The following PDE11A variants were observed in gnomAD, a reference collection of about 807,000 sequenced individuals.
PDE11A encodes the protein dual 3',5'-cyclic-AMP and -GMP phosphodiesterase 11A.
In PDE11A, 100 loss-of-function variants were observed where a neutral mutation model predicts 100.5. The observed-to-expected ratio is 1.00, with a 90% CI of 0.85 to 1.18. PDE11A has a LOEUF of 1.18. Among genes scored for constraint, PDE11A ranks in the 50% most tolerant of loss-of-function variants. PDE11A has a pLI of 0.00. For missense variants in PDE11A, 1,141 were observed against 1,152.6 expected (o/e 0.99, Z 0.15); for synonymous variants, 381 against 420.8 (o/e 0.91, Z 1.16).
chr2:177,635,592 A>G (rs1423176889), intron 19 of PDE11A, among the ~76,000 whole-genome samples: 1 of 152,210 alleles, frequency 6.6e-6, no homozygotes, highest in Admixed American at 6.5e-5. Context: ...ACACATTCAC[A>G]TAGTTCCATG....
At chr2:177,788,921 C>T (rs2082584365) in intron 9 of PDE11A, among the ~76,000 whole-genome samples, 1 of 152,100 alleles carries the variant, frequency 6.6e-6, no homozygotes, top group East Asian at 1.9e-4. Flanking sequence ...AAAAAGAGTC[C>T]AGGACCAGAT....
chr2:177,793,431 G>A (rs2082659195), intron 9 of PDE11A, among the ~76,000 whole-genome samples: 2 of 151,386 alleles, frequency 1.3e-5, no homozygotes, highest in Admixed American at 6.6e-5. Context: ...GTTGTGTAGA[G>A]GGTGGACTGG....
intron 9 of PDE11A, among the ~76,000 whole-genome samples, chr2:177,793,083 G>C (rs1449661292): frequency 6.6e-6 from 1 of 152,034 alleles, no homozygotes; most frequent in Non-Finnish European, 1.5e-5. Context: ...AGAGGGAGCA[G>C]TCACCTTTGT....
intron 17 of PDE11A, 58 bp downstream of exon 17, chr2:177,675,397 T>TC (rs2080755091): frequency 3.4e-6 from 4 of 1,192,214 alleles, no homozygotes; most frequent in East Asian, 4.7e-5. Flanking sequence ...GAATATTGTG[T>TC]CCCCCTTACG....
At chr2:178,049,765 T>C (rs2086797759) in intron 1 of PDE11A, among the ~76,000 whole-genome samples, 1 of 152,070 alleles carries the variant, frequency 6.6e-6, no homozygotes, top group Admixed American at 6.5e-5. Context: ...ATCACAGCAG[T>C]CTGAGATCGA....
chr2:177,631,284 A>C (rs1430007252), intron 19 of PDE11A, among the ~76,000 whole-genome samples: 1 of 63,288 alleles, frequency 1.6e-5, no homozygotes, highest in Admixed American at 2.2e-4. Flanking sequence ...CATCTCTACT[A>C]AAAATGCAAA....
intron 12 of PDE11A, among the ~76,000 whole-genome samples, chr2:177,716,398 C>T (rs2105432758): frequency 6.6e-6 from 1 of 152,266 alleles, no homozygotes; most frequent in African/African-American, 2.4e-5. Context: ...CCTCCACACC[C>T]TCACCTCTGA....
At chr2:177,989,325 T>C (rs1020160029) in intron 2 of PDE11A, among the ~76,000 whole-genome samples, 1 of 152,210 alleles carries the variant, frequency 6.6e-6, no homozygotes. Context: ...CTAGTAGTCA[T>C]AGCACAGTAT....
intron 9 of PDE11A, among the ~76,000 whole-genome samples, chr2:177,790,591 A>C (rs1486237433): frequency 1.3e-5 from 2 of 152,252 alleles, no homozygotes; most frequent in Non-Finnish European, 2.9e-5. Flanking sequence ...CTACTATCAG[A>C]ATGAACAGGC....
chr2:177,670,322 T>C (rs920317276), intron 17 of PDE11A, among the ~76,000 whole-genome samples: 2 of 152,224 alleles, frequency 1.3e-5, no homozygotes, highest in Non-Finnish European at 2.9e-5. Flanking sequence ...TATATTTTTC[T>C]ACTTTTAATC....
intron 9 of PDE11A, among the ~76,000 whole-genome samples, chr2:177,782,423 T>C (rs866823304): frequency 5.3e-5 from 8 of 152,244 alleles, no homozygotes; most frequent in African/African-American, 1.7e-4. Flanking sequence ...TGCCACCCTA[T>C]GCCATCCAAA....
chr2:177,998,252 C>T (rs2086101742), intron 2 of PDE11A: 1 of 830,116 alleles, frequency 1.2e-6, no homozygotes, highest in Non-Finnish European at 2.1e-6. Context: ...TTAGTATAAG[C>T]TCTTCCACTT....
intron 2 of PDE11A, chr2:177,922,784 C>G: frequency 2.0e-6 from 2 of 985,010 alleles, no homozygotes; most frequent in Non-Finnish European, 2.4e-6. Flanking sequence ...TCCCAACACA[C>G]AGTGGACTTT....
chr2:178,019,449 T>C (rs2105831615), intron 1 of PDE11A, among the ~76,000 whole-genome samples: 1 of 152,292 alleles, frequency 6.6e-6, no homozygotes, highest in East Asian at 1.9e-4. Flanking sequence ...TGAAGTTTTC[T>C]AATATAAAAA....
At chr2:177,747,837 C>T (rs2081974119) in intron 10 of PDE11A, among the ~76,000 whole-genome samples, 1 of 152,116 alleles carries the variant, frequency 6.6e-6, no homozygotes, top group Non-Finnish European at 1.5e-5. Context: ...CTGAATATCA[C>T]TCAGAACACC....
At chr2:177,684,248 C>G (rs2080909544) in intron 15 of PDE11A, among the ~76,000 whole-genome samples, 1 of 152,030 alleles carries the variant, frequency 6.6e-6, no homozygotes, top group South Asian at 2.1e-4. Context: ...GGGCTACCAA[C>G]AAATAAATAG....
intron 15 of PDE11A, among the ~76,000 whole-genome samples, chr2:177,693,365 C>T (rs955202085): frequency 2.0e-5 from 3 of 152,070 alleles, no homozygotes; most frequent in South Asian, 2.1e-4. Flanking sequence ...TGGTGGGTGG[C>T]GGACAATTTT....
At chr2:177,765,709 G>A (rs1307677853) in intron 10 of PDE11A, among the ~76,000 whole-genome samples, 1 of 152,200 alleles carries the variant, frequency 6.6e-6, no homozygotes, top group African/African-American at 2.4e-5. Context: ...TGAGAACATG[G>A]ATCCATGGGA....
In PDE11A at chr2:177,792,663, A is replaced by T. The variant is rs145304602; in HGVS notation, c.1738-23290T>A. 1.6e-3 allele frequency among the ~76,000 whole-genome samples: 236 copies of T among 152,188 alleles called. 3 individuals are homozygous for T. Among genetic ancestry groups the T allele is most frequent in the Admixed American group, 9.8e-3 (150 of 15,282 alleles). The stretch of plus-strand genomic sequence containing the variant: ...CAAACTCACTAGGGCCACAGAAGTG[A>T]CTCGTCACCATGGATGAAATAAAAA... On this transcript the variant is annotated intron_variant, in intron 9 of 19. Coordinates refer to ENST00000286063, the MANE Select transcript of PDE11A (RefSeq NM_016953.4).
Sources: gnomAD v4.1 joint callset for allele counts (sites outside exome capture counted in the v4.1 genomes callset) on GRCh38, gnomAD v4.1.1 for gene constraint, MANE v1.5 for transcripts, NCBI Gene and HGNC (gene_info 2026-07-23, HGNC 2026-07-21) for gene names.